LRRIQ1: variants seen among roughly 807,000 people sequenced by gnomAD.
The protein encoded by LRRIQ1 is leucine-rich repeat- and IQ domain-containing protein 1.
A neutral mutation model predicts 211.9 loss-of-function variants in LRRIQ1; 210 were observed. That is an observed-to-expected ratio of 0.99 (90% CI 0.89 to 1.11). The LOEUF (loss-of-function observed/expected upper bound fraction) is 1.11, where lower values mean the gene tolerates loss of function less well. Ranked by LOEUF, LRRIQ1 falls within the 50% of genes most tolerant of loss-of-function variation. The pLI, the probability that LRRIQ1 is intolerant of heterozygous loss-of-function variation, is 0.00. For missense variants in LRRIQ1, 2,136 were observed against 1,939.5 expected, an observed-to-expected ratio of 1.10 and a Z score of -1.90; for synonymous variants, 699 against 650.1, an observed-to-expected ratio of 1.08 and a Z score of -1.14.
chr12:85,257,501 T>A (rs948080209), intron 1 of LRRIQ1, among the ~76,000 whole-genome samples: 2 of 151,422 alleles, frequency 1.3e-5, no homozygotes, highest in Non-Finnish European at 3.0e-5. Flanking sequence ...GGGACCTAGA[T>A]AGCTTATGGA....
At chr12:85,203,408 G>A (rs150129005) in intron 24 of LRRIQ1, among the ~76,000 whole-genome samples, 3,076 of 152,210 alleles carry the variant, frequency 0.02, 99 homozygotes, top group African/African-American at 0.071. Flanking sequence ...AAAAGATACC[G>A]AAAAATGTGG....
At chr12:85,182,534 C>T (rs1892031167) in intron 24 of LRRIQ1, among the ~76,000 whole-genome samples, 1 of 152,020 alleles carries the variant, frequency 6.6e-6, no homozygotes, top group Non-Finnish European at 1.5e-5. Context: ...AGTGTGAGAT[C>T]CCTATCTTGA....
intron 15 of LRRIQ1, among the ~76,000 whole-genome samples, chr12:85,114,152 C>T (rs536564310): frequency 3.3e-5 from 5 of 151,676 alleles, no homozygotes; most frequent in African/African-American, 4.9e-5. Flanking sequence ...TGAAACTTCT[C>T]ATACAAAAAC....
intron 24 of LRRIQ1, among the ~76,000 whole-genome samples, chr12:85,179,889 G>T (rs1350720868): frequency 6.6e-6 from 1 of 151,790 alleles, no homozygotes; most frequent in African/African-American, 2.4e-5. Flanking sequence ...TCTTTTCAAG[G>T]TCAGGGATCA....
intron 14 of LRRIQ1, among the ~76,000 whole-genome samples, chr12:85,104,336 A>G (rs1285949353): frequency 6.6e-6 from 1 of 151,924 alleles, no homozygotes; most frequent in Non-Finnish European, 1.5e-5. Context: ...CTTATGAAAT[A>G]TATAGCCTAA....
chr12:85,216,104 G>A (rs1237273782), intron 24 of LRRIQ1, among the ~76,000 whole-genome samples: 1 of 152,086 alleles, frequency 6.6e-6, no homozygotes, highest in Non-Finnish European at 1.5e-5. Flanking sequence ...CACATGCCGT[G>A]GTGGTTTGCT....
At chr12:85,130,778 T>C (rs1888693316) in intron 18 of LRRIQ1, among the ~76,000 whole-genome samples, 1 of 152,172 alleles carries the variant, frequency 6.6e-6, no homozygotes, top group Admixed American at 6.6e-5. Flanking sequence ...AGGATCAAAA[T>C]GAAAGGTTTT....
intron 11 of LRRIQ1, among the ~76,000 whole-genome samples, chr12:85,097,551 T>G (rs1885996173): frequency 6.6e-6 from 1 of 152,128 alleles, no homozygotes; most frequent in South Asian, 2.1e-4. Flanking sequence ...GAATGATGGT[T>G]TCCAGCTTCA....
chr12:85,119,584 A>G (rs1259162665), intron 15 of LRRIQ1, among the ~76,000 whole-genome samples: 2 of 152,164 alleles, frequency 1.3e-5, no homozygotes, highest in Non-Finnish European at 2.9e-5. Context: ...GGAAATTGTC[A>G]AATTGTCTTC....
rs577341605 is a variant in LRRIQ1, at chr12:85,229,374, C to T, written c.4823-143C>T. 12 of 584,982 alleles carry T rather than the reference C, an allele frequency of 2.1e-5. No homozygotes were observed. In the East Asian group the frequency reaches 2.7e-4, roughly 13 times the overall value. 36.2% of individuals were successfully genotyped at this position (584,982 alleles called of 1,614,324 possible). ...TGACTGACATTACTTTTCTTACTGA[C>T]ATTAGTTTTCTTACAGATTTAGCTC... On this transcript the variant is annotated intron_variant, in intron 24 of 26. Transcript: ENST00000393217.
intron 24 of LRRIQ1, among the ~76,000 whole-genome samples, chr12:85,188,326 G>A (rs943790076): frequency 6.6e-6 from 1 of 151,942 alleles, no homozygotes; most frequent in African/African-American, 2.4e-5. Flanking sequence ...TAACTATTTG[G>A]TATTTCATTG....
chr12:85,163,965 A>G (rs892563718), intron 24 of LRRIQ1, among the ~76,000 whole-genome samples: 1 of 152,120 alleles, frequency 6.6e-6, no homozygotes, highest in East Asian at 1.9e-4. Context: ...TGTGTCACCT[A>G]TTAGCCAGTT....
intron 19 of LRRIQ1, among the ~76,000 whole-genome samples, chr12:85,147,275 G>A (rs1268312861): frequency 6.6e-6 from 1 of 151,794 alleles, no homozygotes; most frequent in Non-Finnish European, 1.5e-5. Flanking sequence ...AAATCCACGA[G>A]ATGAGAGACA....
intron 24 of LRRIQ1, among the ~76,000 whole-genome samples, chr12:85,220,264 G>A (rs2137123957): frequency 6.6e-6 from 1 of 151,974 alleles, no homozygotes; most frequent in Non-Finnish European, 1.5e-5. Context: ...AAGCCATTAA[G>A]GGAAAAGAAA....
intron 24 of LRRIQ1, among the ~76,000 whole-genome samples, chr12:85,217,508 ATGTGTG>A (rs370971727): frequency 0.027 from 1,734 of 64,018 alleles, 33 homozygotes; most frequent in Non-Finnish European, 0.031. Context: ...ATATATATAT[ATGTGTG>A]TGTGTGTGTG....
chr12:85,249,812 A>T (rs952170467), downstream of LRRIQ1, among the ~76,000 whole-genome samples: 2 of 151,934 alleles, frequency 1.3e-5, no homozygotes, highest in African/African-American at 4.8e-5. Flanking sequence ...ATTGTTGCAG[A>T]TATTAAAGTA....
intron 13 of LRRIQ1, among the ~76,000 whole-genome samples, chr12:85,099,785 CA>C (rs1160193086): frequency 6.6e-6 from 1 of 151,744 alleles, no homozygotes; most frequent in East Asian, 1.9e-4. Context: ...TATTTTCCCC[CA>C]AGACATATAA....
chr12:85,087,162 A>C (rs1339386403), intron 11 of LRRIQ1, among the ~76,000 whole-genome samples: 1 of 151,632 alleles, frequency 6.6e-6, no homozygotes, highest in Non-Finnish European at 1.5e-5. Flanking sequence ...CTCATTGTTC[A>C]ATTCCCACCT....
Position 85,105,875 on chromosome 12 carries a change from C to T in LRRIQ1, c.3284-647C>T, listed in dbSNP as rs532562396. 9.7e-5 allele frequency among the ~76,000 whole-genome samples: 14 copies of T among 144,918 alleles called. No individual in the cohort carries two copies. In the East Asian group the frequency reaches 2.9e-3, roughly 30 times the overall value. On this transcript the variant is annotated intron_variant, in intron 14 of 26. Coordinates refer to ENST00000393217, the MANE Select transcript of LRRIQ1 (RefSeq NM_001079910.2). ...GCAATAGCATGATCTCAGCTCATTGCAACCTCCATCTCCCGGGTTCAAGTG... is the reference window on the plus strand; with the variant it reads ...GCAATAGCATGATCTCAGCTCATTGTAACCTCCATCTCCCGGGTTCAAGTG...
Sources: gnomAD v4.1 joint callset for allele counts (sites outside exome capture counted in the v4.1 genomes callset) on GRCh38, gnomAD v4.1.1 for gene constraint, MANE v1.5 for transcripts, NCBI Gene and HGNC (gene_info 2026-07-23, HGNC 2026-07-21) for gene names.